SPAG16: variants seen among roughly 807,000 people sequenced by gnomAD.
The protein encoded by SPAG16 is sperm associated antigen 16, also known as sperm-associated antigen 16 protein.
SPAG16 carries 86 observed loss-of-function variants against 80.4 expected under a neutral mutation model. The observed-to-expected ratio is 1.07, with a 90% CI of 0.90 to 1.28. The LOEUF (loss-of-function observed/expected upper bound fraction) is 1.28. Ranked by LOEUF, SPAG16 falls within the 50% of genes most tolerant of loss-of-function variation. SPAG16 has a pLI of 0.00. For synonymous variants in SPAG16, 294 were observed against 265.9 expected (o/e 1.11, Z -1.03); for missense variants, 870 against 765.3 (o/e 1.14, Z -1.61).
chr2:213,933,924 C>T (rs1163862867), intron 12 of SPAG16, among the ~76,000 whole-genome samples: 1 of 152,198 alleles, frequency 6.6e-6, no homozygotes, highest in Non-Finnish European at 1.5e-5. Context: ...ATCCTTAAAT[C>T]CCGTTGACTC....
intron 11 of SPAG16, among the ~76,000 whole-genome samples, chr2:213,903,262 C>A (rs2106132358): frequency 6.6e-6 from 1 of 152,338 alleles, no homozygotes; most frequent in South Asian, 2.1e-4. Context: ...CCCTTCTGCA[C>A]TGCCCTAGTA....
intron 9 of SPAG16, among the ~76,000 whole-genome samples, chr2:213,462,454 T>C (rs538701818): frequency 4.3e-4 from 66 of 151,804 alleles, no homozygotes; most frequent in African/African-American, 1.6e-3. Context: ...AGATCACATG[T>C]TAGTTGGGGG....
At chr2:213,315,552 ATCT>A (rs1170047699) in intron 4 of SPAG16, among the ~76,000 whole-genome samples, 3 of 151,996 alleles carry the variant, frequency 2.0e-5, no homozygotes, top group African/African-American at 4.8e-5. Context: ...TAGATTTCAT[ATCT>A]TCTTCTAAGT....
At chr2:213,381,537 T>C (rs2067172175) in intron 9 of SPAG16, among the ~76,000 whole-genome samples, 1 of 152,144 alleles carries the variant, frequency 6.6e-6, no homozygotes, top group African/African-American at 2.4e-5. Flanking sequence ...TGTTAATGAT[T>C]CCATACGTAG....
At chr2:213,436,325 T>G (rs1166935932) in intron 9 of SPAG16, among the ~76,000 whole-genome samples, 2 of 152,182 alleles carry the variant, frequency 1.3e-5, no homozygotes, top group Non-Finnish European at 2.9e-5. Context: ...TGCAAAAGAT[T>G]AGTCTTGTTT....
At chr2:214,133,176 A>AT (rs942398317) in intron 14 of SPAG16, among the ~76,000 whole-genome samples, 1 of 151,402 alleles carries the variant, frequency 6.6e-6, no homozygotes, top group African/African-American at 2.4e-5. Flanking sequence ...GGCAATACTG[A>AT]TTTTATGGAC....
chr2:213,885,735 G>A (rs1346724372), intron 11 of SPAG16, among the ~76,000 whole-genome samples: 2 of 152,062 alleles, frequency 1.3e-5, no homozygotes, highest in African/African-American at 2.4e-5. Flanking sequence ...CATTTACAAC[G>A]TTTCACAAAA....
At chr2:214,382,206 G>C (rs1223647197) in intron 15 of SPAG16, among the ~76,000 whole-genome samples, 1 of 152,182 alleles carries the variant, frequency 6.6e-6, no homozygotes, top group Non-Finnish European at 1.5e-5. Flanking sequence ...AATCCTCACA[G>C]AAATCTGATT....
At chr2:213,862,818 T>C (rs558108410) in intron 11 of SPAG16, among the ~76,000 whole-genome samples, 190 bp downstream of exon 11, 35 of 152,178 alleles carry the variant, frequency 2.3e-4, no homozygotes, top group Non-Finnish European at 4.0e-4. Flanking sequence ...TTTTTGATAT[T>C]TGGTACATGT....
intron 10 of SPAG16, among the ~76,000 whole-genome samples, chr2:213,644,160 A>G (rs966567599): frequency 4.0e-5 from 6 of 151,302 alleles, no homozygotes; most frequent in Non-Finnish European, 8.8e-5. Context: ...TGCTAATTGC[A>G]TTTTTCAGCT....
At chr2:214,221,092 A>G (rs567286678) in intron 15 of SPAG16, among the ~76,000 whole-genome samples, 65 of 152,322 alleles carry the variant, frequency 4.3e-4, no homozygotes, top group South Asian at 6.2e-4. Context: ...TCTGCATTTT[A>G]GAATTTCCCC....
intron 10 of SPAG16, among the ~76,000 whole-genome samples, chr2:213,802,380 C>A (rs1405685957): frequency 1.3e-5 from 2 of 149,814 alleles, no homozygotes; most frequent in African/African-American, 2.5e-5. Flanking sequence ...TACTTAAAAC[C>A]CAAATGATTC....
At chr2:213,654,929 T>C (rs891451705) in intron 10 of SPAG16, among the ~76,000 whole-genome samples, 3 of 152,206 alleles carry the variant, frequency 2.0e-5, no homozygotes, top group African/African-American at 7.2e-5. Flanking sequence ...AGGACCACTG[T>C]AGAGTAAAAT....
rs1229848569 is a variant in SPAG16, at chr2:214,275,348, T to G, written c.1720+126082T>G. On this transcript the variant is annotated intron_variant, in intron 15 of 15. Transcript: ENST00000331683. ...TTTTGCCTTCTGCTAGCTTTTGAAT[T>G]TGTTTGGCCTTGCTTCTCTAGTTCT... 3.9e-5 allele frequency among the ~76,000 whole-genome samples: 6 copies of G among 152,138 alleles called. No homozygotes were observed. In the East Asian group the frequency reaches 1.2e-3, roughly 29 times the overall value.
intron 15 of SPAG16, among the ~76,000 whole-genome samples, chr2:214,246,818 A>G (rs1689882726): frequency 6.6e-6 from 1 of 152,158 alleles, no homozygotes; most frequent in Admixed American, 6.6e-5. Context: ...ATACAGTATC[A>G]TTCCTTAGGT....
chr2:214,300,939 G>A (rs944357311), intron 15 of SPAG16, among the ~76,000 whole-genome samples: 1 of 150,668 alleles, frequency 6.6e-6, no homozygotes, highest in Non-Finnish European at 1.5e-5. Context: ...CCAAAATCAG[G>A]CAAGGACACA....
intron 13 of SPAG16, among the ~76,000 whole-genome samples, chr2:214,047,318 C>A (rs1331339866): frequency 6.6e-6 from 1 of 152,076 alleles, no homozygotes; most frequent in Non-Finnish European, 1.5e-5. Context: ...ATAACCAAAG[C>A]AGCATGATAC....
intron 10 of SPAG16, among the ~76,000 whole-genome samples, chr2:213,613,144 C>T (rs1012682508): frequency 8.5e-5 from 13 of 152,100 alleles, no homozygotes; most frequent in Non-Finnish European, 1.8e-4. Context: ...TATTCCATAT[C>T]ACCTAGATTA....
intron 15 of SPAG16, among the ~76,000 whole-genome samples, chr2:214,330,292 G>A (rs958607715): frequency 6.6e-6 from 1 of 150,938 alleles, no homozygotes; most frequent in Non-Finnish European, 1.5e-5. Flanking sequence ...AAAAAAAAAG[G>A]AAAAGAAATA....
Sources: gnomAD v4.1 joint callset for allele counts (sites outside exome capture counted in the v4.1 genomes callset) on GRCh38, gnomAD v4.1.1 for gene constraint, MANE v1.5 for transcripts, NCBI Gene and HGNC (gene_info 2026-07-23, HGNC 2026-07-21) for gene names.